Variants in WRN observed in about 807,000 individuals in gnomAD.
WRN encodes the protein bifunctional 3'-5' exonuclease/ATP-dependent helicase WRN.
Under a neutral mutation model 180.7 loss-of-function variants are expected in WRN, and 149 were observed. The ratio of observed to expected loss-of-function variants is 0.82; its 90% CI spans 0.72 to 0.94. The LOEUF is 0.94. WRN is among the 40% of genes least tolerant of loss of function. The pLI, the probability that WRN is intolerant of heterozygous loss-of-function variation, is 0.00. For synonymous variants in WRN, 548 were observed against 568.9 expected (o/e 0.96, Z 0.52); for missense variants, 1,661 against 1,700.1 (o/e 0.98, Z 0.40).
chr8:31,071,789 A>G (rs1466806461), intron 7 of WRN, among the ~76,000 whole-genome samples: 1 of 152,178 alleles, frequency 6.6e-6, no homozygotes, highest in Non-Finnish European at 1.5e-5. Context: ...ACCTCAAAAT[A>G]CATTTAATAG....
Position 31,170,884 on chromosome 8 carries a change from A to C in WRN, c.4192-2111A>C, listed in dbSNP as rs542166969. Among the ~76,000 whole-genome samples the C allele has an allele frequency of 2.0e-5, 3 of 152,328 alleles. No individual in the cohort carries two copies. In the East Asian group the frequency reaches 5.8e-4, roughly 29 times the overall value. On this transcript the variant is annotated intron_variant, in intron 34 of 34. Transcript: ENST00000298139. ...CCCAATGAAATAAGATCATTATTAT[A>C]ATTCCATTATAAATGCTGATGATCA...
chr8:31,157,238 T>G, intron 32 of WRN, 130 bp from the exon 33 acceptor site: 1 of 1,332,476 alleles, frequency 7.5e-7, no homozygotes, highest in Non-Finnish European at 1.0e-6. Context: ...ATGAAAAACT[T>G]AAGTAAAGGT....
chr8:31,047,758 C>G (rs1170729910), intron 1 of WRN, among the ~76,000 whole-genome samples: 1 of 152,164 alleles, frequency 6.6e-6, no homozygotes, highest in Non-Finnish European at 1.5e-5. Context: ...AAAACTTTCC[C>G]TGCAATTTCC....
At chr8:31,120,766 T>G (rs1801694907) in intron 21 of WRN, among the ~76,000 whole-genome samples, 1 of 151,966 alleles carries the variant, frequency 6.6e-6, no homozygotes, top group Admixed American at 6.6e-5. Context: ...TCTCCTCAGA[T>G]CCTGTCAAGT....
intron 19 of WRN, among the ~76,000 whole-genome samples, chr8:31,115,767 G>A (rs564597964): frequency 5.3e-5 from 8 of 152,072 alleles, no homozygotes; most frequent in Non-Finnish European, 1.0e-4. Flanking sequence ...AATCGTTTAC[G>A]CTTTTAATAA....
At chr8:31,127,483 G>A (rs972606680) in intron 23 of WRN, among the ~76,000 whole-genome samples, 2 of 152,090 alleles carry the variant, frequency 1.3e-5, no homozygotes, top group African/African-American at 4.8e-5. Flanking sequence ...TTCAATAGCT[G>A]CGTTACTGTA....
At chr8:31,042,705 AAT>A (rs1811704809) in intron 1 of WRN, among the ~76,000 whole-genome samples, 1 of 152,168 alleles carries the variant, frequency 6.6e-6, no homozygotes, top group South Asian at 2.1e-4. Flanking sequence ...TATTGTGAAT[AAT>A]TTATTGGTGA....
At chr8:31,061,950 C>G (rs890505928) in intron 3 of WRN, among the ~76,000 whole-genome samples, 1 of 152,150 alleles carries the variant, frequency 6.6e-6, no homozygotes, top group African/African-American at 2.4e-5. Context: ...AGCTCTTTTC[C>G]TGCCTAGCTT....
intron 7 of WRN, among the ~76,000 whole-genome samples, chr8:31,073,427 A>G (rs764447107): frequency 6.6e-5 from 10 of 152,252 alleles, no homozygotes; most frequent in African/African-American, 9.6e-5. Flanking sequence ...AAGGTCAGTT[A>G]TAGTGGACAG....
chr8:31,103,314 T>C (rs1245508359), intron 18 of WRN, among the ~76,000 whole-genome samples: 1 of 152,246 alleles, frequency 6.6e-6, no homozygotes, highest in African/African-American at 2.4e-5. Flanking sequence ...GTAACATACT[T>C]GTTTATTATT....
rs1246267919 is a variant in WRN at position 31,100,954 on chromosome 8, T to C, written c.2087T>C (p.Met696Thr). The change falls in exon 18 of 35, where the codon ATG becomes ACG. Residue 696 changes from methionine to threonine, a missense_variant and splice_region_variant. This residue lies in a region of WRN where 1,141 missense variants were observed against 1,149.4 expected (regional missense o/e 0.99). Transcript: ENST00000298139. ...GGCTCCCTAAAGACAGCACTGCCAA[T>C]GGTAAGCTTTGCCAAGTCTGATGTC... The part of the protein sequence containing the change: ...KLGSLKTALP[M>T]VPIVALTATA... 27 of 1,613,028 alleles carry C rather than the reference T, an allele frequency of 1.7e-5. No individual in the cohort carries two copies. The South Asian group carries it at 2.6e-4, about 16-fold the overall frequency.
intron 3 of WRN, among the ~76,000 whole-genome samples, chr8:31,063,897 ATT>A (rs1258100680): frequency 8.2e-5 from 12 of 146,130 alleles, no homozygotes; most frequent in Non-Finnish European, 1.2e-4. Context: ...CTAATTTTTA[ATT>A]TTTTTTTTTG....
chr8:31,094,473 G>A (rs1813879157), intron 16 of WRN, among the ~76,000 whole-genome samples: 1 of 151,656 alleles, frequency 6.6e-6, no homozygotes, highest in African/African-American at 2.4e-5. Flanking sequence ...AGTCTCCTGA[G>A]TAGCTGGGAC....
intron 32 of WRN, 23 bp from the exon 33 acceptor site, chr8:31,157,345 G>A (rs1397198929): frequency 6.2e-7 from 1 of 1,613,076 alleles, no homozygotes; most frequent in Admixed American, 1.7e-5. Context: ...AACTCACTGG[G>A]TTCTTTGCTG....
chr8:31,034,960 G>T (rs1308936877), intron 1 of WRN, among the ~76,000 whole-genome samples: 1 of 152,226 alleles, frequency 6.6e-6, no homozygotes, highest in Non-Finnish European at 1.5e-5. Context: ...ATCCAGCTCA[G>T]ACCGGGAGTG....
At chr8:31,040,656 G>T (rs1191361943) in intron 1 of WRN, among the ~76,000 whole-genome samples, 3 of 152,140 alleles carry the variant, frequency 2.0e-5, no homozygotes, top group Non-Finnish European at 4.4e-5. Flanking sequence ...CAACATAAAA[G>T]TCATTGGAAA....
At position 31,087,860 on chromosome 8, in the gene WRN, A is replaced by G. The variant is rs1813594156; in HGVS notation, c.1516A>G (p.Lys506Glu). 6.8e-6 allele frequency: 11 copies of G among 1,613,352 alleles called. No individual in the cohort carries two copies. The highest frequency in any genetic ancestry group is 9.3e-6 in the Non-Finnish European group (11 of 1,179,618). The part of the protein sequence containing the change: ...KMERNLGLPT[K>E]EEEEDDENEA... Reference sequence around the variant, plus strand: ...GGAAAGAAATCTGGGTCTTCCTACTAAAGAAGAAGAAGAAGATGATGAAAA... The same window carrying G: ...GGAAAGAAATCTGGGTCTTCCTACTGAAGAAGAAGAAGAAGATGATGAAAA... Residue 506 changes from lysine to glutamate, a missense_variant, in exon 12 of 35, where the codon AAA becomes GAA. Physicochemically the swap from Lys to Glu is moderately conservative, Grantham distance 56. Transcript: ENST00000298139.
chr8:31,070,113 A>G (rs1812851180), intron 7 of WRN, among the ~76,000 whole-genome samples: 2 of 151,706 alleles, frequency 1.3e-5, no homozygotes, highest in Non-Finnish European at 2.9e-5. Context: ...AGTGAATTGT[A>G]TTAGGTTGGT....
intron 22 of WRN, 50 bp downstream of exon 22, chr8:31,124,673 C>A: frequency 6.7e-7 from 1 of 1,496,626 alleles, no homozygotes; most frequent in South Asian, 1.1e-5. Flanking sequence ...GGATGATGCT[C>A]TTTTAAGACA....
Sources: gnomAD v4.1 joint callset for allele counts (sites outside exome capture counted in the v4.1 genomes callset) on GRCh38, gnomAD v4.1.1 for gene constraint, gnomAD v4.1.1 regional missense constraint, MANE v1.5 for transcripts, NCBI Gene and HGNC (gene_info 2026-07-23, HGNC 2026-07-21) for gene names.